The following AGBL4 variants were observed in gnomAD, a reference collection of about 807,000 sequenced individuals.
The protein encoded by AGBL4 is AGBL carboxypeptidase 4.
AGBL4 carries 58 observed loss-of-function variants against 66.4 expected under a neutral mutation model. That is an observed-to-expected ratio of 0.87 (90% CI 0.71 to 1.09). The LOEUF is 1.09. Among genes scored for constraint, AGBL4 ranks in the 50% least tolerant of loss-of-function variants. The pLI, the probability that AGBL4 is intolerant of heterozygous loss-of-function variation, is 0.00. For missense variants in AGBL4, 579 were observed against 631.0 expected (o/e 0.92, Z 0.88); for synonymous variants, 234 against 222.9 (o/e 1.05, Z -0.44).
intron 6 of AGBL4, chr1:48,776,772 G>T (rs764508902): frequency 2.0e-6 from 3 of 1,524,758 alleles, no homozygotes; most frequent in South Asian, 1.2e-5. Flanking sequence ...AGTCGCGCAC[G>T]CACGACACGG....
At chr1:49,866,506 G>C (rs1366782938) in intron 1 of AGBL4, among the ~76,000 whole-genome samples, 1 of 152,184 alleles carries the variant, frequency 6.6e-6, no homozygotes, top group Non-Finnish European at 1.5e-5. Context: ...GCTCACACTT[G>C]TAATCCCAGC....
intron 1 of AGBL4, among the ~76,000 whole-genome samples, chr1:49,916,256 G>A (rs1407651733): frequency 6.6e-6 from 1 of 152,222 alleles, no homozygotes; most frequent in Non-Finnish European, 1.5e-5. Flanking sequence ...TGAGTTGAGA[G>A]AAGAGGGCTT....
intron 3 of AGBL4, among the ~76,000 whole-genome samples, chr1:49,686,548 G>A (rs1646791367): frequency 6.6e-6 from 1 of 152,088 alleles, no homozygotes; most frequent in Non-Finnish European, 1.5e-5. Flanking sequence ...AACAAATTGT[G>A]GTAGGATTTG....
At chr1:49,970,245 C>A (rs1451548132) in intron 1 of AGBL4, among the ~76,000 whole-genome samples, 1 of 151,884 alleles carries the variant, frequency 6.6e-6, no homozygotes, top group Non-Finnish European at 1.5e-5. Context: ...GAAAAATAGA[C>A]AAATAGGACT....
At chr1:49,078,518 C>T (rs1018746235) in intron 4 of AGBL4, among the ~76,000 whole-genome samples, 4 of 152,076 alleles carry the variant, frequency 2.6e-5, no homozygotes, top group Admixed American at 6.6e-5. Context: ...CTGTCATATC[C>T]TACCTTAAAT....
At chr1:48,899,635 T>C (rs2148867116) in intron 5 of AGBL4, among the ~76,000 whole-genome samples, 1 of 152,300 alleles carries the variant, frequency 6.6e-6, no homozygotes, top group South Asian at 2.1e-4. Flanking sequence ...TCTTTCCTGT[T>C]CTTCTTATGC....
chr1:49,756,914 C>T (rs1267862899), intron 2 of AGBL4, among the ~76,000 whole-genome samples: 2 of 152,040 alleles, frequency 1.3e-5, no homozygotes, highest in Non-Finnish European at 1.5e-5. Flanking sequence ...TGAGAACAAA[C>T]AAATACGGTA....
chr1:49,883,615 A>G (rs1380470290), intron 1 of AGBL4, among the ~76,000 whole-genome samples: 1 of 152,116 alleles, frequency 6.6e-6, no homozygotes, highest in African/African-American at 2.4e-5. Context: ...TAAAACAAAA[A>G]AAGGACTTTT....
chr1:48,870,492 G>A (rs961866269), intron 5 of AGBL4, among the ~76,000 whole-genome samples: 1 of 152,150 alleles, frequency 6.6e-6, no homozygotes, highest in South Asian at 2.1e-4. Context: ...CCTCTGCAAT[G>A]ACCCTGTTGA....
chr1:49,167,605 T>C (rs1427173574), intron 4 of AGBL4, among the ~76,000 whole-genome samples: 4 of 152,200 alleles, frequency 2.6e-5, no homozygotes, highest in African/African-American at 7.2e-5. Context: ...GGAGTGGCTA[T>C]AGAAAGAGCA....
chr1:49,072,870 C>T (rs1287065658), intron 4 of AGBL4, among the ~76,000 whole-genome samples: 3 of 152,214 alleles, frequency 2.0e-5, no homozygotes, highest in Non-Finnish European at 4.4e-5. Flanking sequence ...CCGTCACTTT[C>T]AGGTTCACCA....
intron 6 of AGBL4, chr1:48,818,025 G>A (rs1036222041): frequency 4.9e-5 from 35 of 710,040 alleles, no homozygotes; most frequent in Non-Finnish European, 7.3e-5. Context: ...AAACATTCCC[G>A]AGATTAGGTC....
chr1:49,628,570 A>G (rs566881672), intron 3 of AGBL4, among the ~76,000 whole-genome samples: 22 of 152,290 alleles, frequency 1.4e-4, no homozygotes, highest in Admixed American at 8.5e-4. Context: ...CAAAAGGTTT[A>G]TCTCCTACCC....
At chr1:49,411,055 G>T (rs989525800) in intron 3 of AGBL4, among the ~76,000 whole-genome samples, 2 of 152,196 alleles carry the variant, frequency 1.3e-5, no homozygotes, top group African/African-American at 4.8e-5. Flanking sequence ...TCCCAAGAAA[G>T]GCTGTCTGCA....
In AGBL4 at chr1:48,533,622, T is replaced by C. The variant is rs1643924638; in HGVS notation, c.*551A>G. ...TGAGGGAATCAGCAAGCATGCAGCT[T>C]AGATACAGTGACCATATATTTAAGT... On this transcript the variant is annotated 3_prime_UTR_variant, in exon 14 of 14. Transcript: ENST00000371839. 1 of 156,206 alleles carries C rather than the reference T, an allele frequency of 6.4e-6. No individual in the cohort carries two copies. The highest frequency in any genetic ancestry group is 2.4e-5 in the African/African-American group (1 of 41,472). The allele number at this position is 156,206 out of a possible 1,614,324, so 9.7% of individuals were successfully genotyped here. A position where few individuals can be genotyped will look rare whatever the true frequency, so the allele number is the denominator to read the frequency against.
intron 3 of AGBL4, among the ~76,000 whole-genome samples, chr1:49,471,190 T>A (rs1012711914): frequency 8.6e-5 from 13 of 151,856 alleles, no homozygotes; most frequent in Admixed American, 6.6e-4. Flanking sequence ...CAGATTTGCT[T>A]CCTTTTATGA....
intron 3 of AGBL4, among the ~76,000 whole-genome samples, chr1:49,555,199 T>C (rs1039596546): frequency 2.6e-5 from 4 of 152,106 alleles, no homozygotes; most frequent in South Asian, 2.1e-4. Flanking sequence ...AGGGTGCTGA[T>C]TGGTGCATTT....
intron 4 of AGBL4, among the ~76,000 whole-genome samples, chr1:49,122,718 T>A (rs1645682823): frequency 6.6e-6 from 1 of 152,216 alleles, no homozygotes; most frequent in Admixed American, 6.5e-5. Context: ...CAGTTTTTGA[T>A]TTTTCAAATT....
intron 6 of AGBL4, among the ~76,000 whole-genome samples, chr1:48,792,376 A>T (rs1645571940): frequency 6.6e-6 from 1 of 152,200 alleles, no homozygotes; most frequent in Non-Finnish European, 1.5e-5. Flanking sequence ...TGTTGTTTTA[A>T]GTGACCCAGT....
Sources: gnomAD v4.1 joint callset for allele counts (sites outside exome capture counted in the v4.1 genomes callset) on GRCh38, gnomAD v4.1.1 for gene constraint, MANE v1.5 for transcripts, NCBI Gene and HGNC (gene_info 2026-07-23, HGNC 2026-07-21) for gene names.